The following PDE7A variants were observed in gnomAD, a reference collection of about 807,000 sequenced individuals.
The protein encoded by PDE7A is phosphodiesterase 7A.
PDE7A carries 39 observed loss-of-function variants against 64.3 expected under a neutral mutation model. The ratio of observed to expected loss-of-function variants is 0.61; its 90% CI spans 0.47 to 0.79. The LOEUF (loss-of-function observed/expected upper bound fraction) is 0.79, where lower values mean the gene tolerates loss of function less well. PDE7A is among the 30% of genes least tolerant of loss of function. The pLI is 0.00. For synonymous variants in PDE7A, 203 were observed against 206.8 expected (o/e 0.98, Z 0.16); for missense variants, 470 against 582.8 (o/e 0.81, Z 1.99).
intron 7 of PDE7A, among the ~76,000 whole-genome samples, chr8:65,730,661 C>T (rs1267820960): frequency 2.0e-5 from 3 of 152,192 alleles, no homozygotes; most frequent in African/African-American, 4.8e-5. Context: ...GGCATGGTGG[C>T]TCATGCCTGT....
chr8:65,839,989 A>G (rs986113464), intron 1 of PDE7A, among the ~76,000 whole-genome samples: 1 of 152,218 alleles, frequency 6.6e-6, no homozygotes, highest in Non-Finnish European at 1.5e-5. Flanking sequence ...GAAGTAAAAT[A>G]ATATTTAGAA....
chr8:65,734,699 T>A (rs1807049052), intron 7 of PDE7A, 95 bp downstream of exon 7: 1 of 721,344 alleles, frequency 1.4e-6, no homozygotes, highest in Admixed American at 2.1e-5. Context: ...GTCTGTGATT[T>A]TCAGTCAAAG....
intron 1 of PDE7A, among the ~76,000 whole-genome samples, chr8:65,833,218 T>C (rs1207303883): frequency 6.6e-6 from 1 of 152,190 alleles, no homozygotes; most frequent in Non-Finnish European, 1.5e-5. Context: ...TCTCTATCCC[T>C]GCTGGCTAAA....
At chr8:65,823,769 A>C (rs1481120295) in intron 1 of PDE7A, among the ~76,000 whole-genome samples, 1 of 152,184 alleles carries the variant, frequency 6.6e-6, no homozygotes, top group African/African-American at 2.4e-5. Flanking sequence ...CAAAAAGTTT[A>C]CATGTGCGAG....
intron 1 of PDE7A, among the ~76,000 whole-genome samples, chr8:65,829,176 T>C (rs2128934064): frequency 6.6e-6 from 1 of 152,202 alleles, no homozygotes; most frequent in South Asian, 2.1e-4. Context: ...TCGCTGTATG[T>C]TATGATATTA....
chr8:65,767,921 G>A (rs746937662), intron 3 of PDE7A, among the ~76,000 whole-genome samples: 7 of 152,140 alleles, frequency 4.6e-5, no homozygotes, highest in Non-Finnish European at 8.8e-5. Flanking sequence ...GAAGCTGGTC[G>A]GTCAGAAGTT....
intron 3 of PDE7A, among the ~76,000 whole-genome samples, chr8:65,757,807 T>C (rs932312757): frequency 1.3e-5 from 2 of 152,048 alleles, no homozygotes; most frequent in African/African-American, 4.8e-5. Flanking sequence ...TTAGTAGAGA[T>C]GGGGTTTCAC....
At chr8:65,739,696 A>C in intron 5 of PDE7A, 99 bp from the exon 6 acceptor site, 1 of 1,198,250 alleles carries the variant, frequency 8.3e-7, no homozygotes, top group Non-Finnish European at 1.1e-6. Flanking sequence ...ACATGGAAAG[A>C]GTAATAATTC....
chr8:65,821,960 C>A lies in PDE7A; in HGVS notation c.138+19411G>T, dbSNP rs1217588030. ...GGACACCAATGGTGTCATAACTGAA[C>A]AAGCTGATCCAGTTCCTAACAGGCA... On this transcript the variant is annotated intron_variant, in intron 1 of 12. Coordinates refer to ENST00000401827, the MANE Select transcript of PDE7A (RefSeq NM_001242318.3). Among the ~76,000 whole-genome samples, 3 of 152,184 alleles carry A rather than the reference C, an allele frequency of 2.0e-5. No homozygotes were observed. In the East Asian group the frequency reaches 5.8e-4, roughly 29 times the overall value.
At chr8:65,834,363 C>A (rs1810903533) in intron 1 of PDE7A, among the ~76,000 whole-genome samples, 2 of 152,138 alleles carry the variant, frequency 1.3e-5, no homozygotes, top group Non-Finnish European at 2.9e-5. Context: ...TTGTGCTAAT[C>A]AACTGTTTAT....
chr8:65,746,216 G>T (rs1017040607), intron 4 of PDE7A, among the ~76,000 whole-genome samples: 5 of 151,562 alleles, frequency 3.3e-5, no homozygotes, highest in Admixed American at 2.6e-4. Flanking sequence ...TTACAGGCAT[G>T]AGCCACTGCA....
intron 1 of PDE7A, among the ~76,000 whole-genome samples, chr8:65,826,903 C>G (rs182309443): frequency 6.6e-6 from 1 of 152,260 alleles, no homozygotes; most frequent in African/African-American, 2.4e-5. Flanking sequence ...CCTTGGTGTT[C>G]TTGGCTGGTG....
At chr8:65,776,100 T>C (rs1809252025) in intron 3 of PDE7A, among the ~76,000 whole-genome samples, 1 of 152,192 alleles carries the variant, frequency 6.6e-6, no homozygotes, top group South Asian at 2.1e-4. Context: ...TTACCTGAAT[T>C]ATCAGCATAA....
rs1451666865 is a variant in PDE7A at position 65,718,995 on chromosome 8, A to C, written c.*295T>G. On this transcript the variant is annotated 3_prime_UTR_variant, in exon 13 of 13. Coordinates refer to ENST00000401827, the MANE Select transcript of PDE7A (RefSeq NM_001242318.3). Reference sequence around the variant, plus strand: ...TTTTGAAGATTAGATGCTTTGAAAAAGTCGTGGCACATATCAAAACTTCCT... The same window carrying C: ...TTTTGAAGATTAGATGCTTTGAAAACGTCGTGGCACATATCAAAACTTCCT... 2.5e-6 allele frequency: 1 copy of C among 406,818 alleles called. No individual in the cohort carries two copies. The highest frequency in any genetic ancestry group is 4.5e-6 in the Non-Finnish European group (1 of 221,670). 25.2% of individuals were successfully genotyped at this position (406,818 alleles called of 1,614,324 possible). A position where few individuals can be genotyped will look rare whatever the true frequency, so the allele number is the denominator to read the frequency against.
chr8:65,781,220 G>A (rs1320264238), intron 2 of PDE7A, among the ~76,000 whole-genome samples: 2 of 152,258 alleles, frequency 1.3e-5, no homozygotes, highest in South Asian at 2.1e-4. Context: ...CAGGAAGTGA[G>A]GCAGTGAGCC....
At chr8:65,833,502 T>C (rs1273826774) in intron 1 of PDE7A, among the ~76,000 whole-genome samples, 2 of 152,248 alleles carry the variant, frequency 1.3e-5, no homozygotes, top group African/African-American at 4.8e-5. Flanking sequence ...TCCACTCATC[T>C]TCCCTGATTA....
chr8:65,738,413 G>A (rs1448111703), intron 6 of PDE7A, among the ~76,000 whole-genome samples: 1 of 152,134 alleles, frequency 6.6e-6, no homozygotes, highest in Non-Finnish European at 1.5e-5. Flanking sequence ...GACTTTCTCA[G>A]AAGTTCTCCT....
chr8:65,727,057 T>C (rs973722745), intron 8 of PDE7A, 91 bp from the exon 9 acceptor site: 4 of 998,338 alleles, frequency 4.0e-6, no homozygotes, highest in Admixed American at 1.9e-5. Flanking sequence ...ATTAATCTGG[T>C]TAAAATTCTA....
chr8:65,799,602 G>A (rs1809942062), intron 1 of PDE7A, among the ~76,000 whole-genome samples: 2 of 152,162 alleles, frequency 1.3e-5, no homozygotes, highest in South Asian at 2.1e-4. Flanking sequence ...GAAATGTGAC[G>A]GGATTTAAGA....
Sources: allele counts gnomAD v4.1 joint callset (sites outside exome capture counted in the v4.1 genomes callset), GRCh38; gene constraint gnomAD v4.1.1; transcripts MANE v1.5; gene names NCBI Gene and HGNC (gene_info 2026-07-23, HGNC 2026-07-21).